TMEM143: variants seen among roughly 807,000 people sequenced by gnomAD.
The protein encoded by TMEM143 is transmembrane protein 143.
In TMEM143, 45 loss-of-function variants were observed where a neutral mutation model predicts 40.3. That is an observed-to-expected ratio of 1.12 (90% CI 0.88 to 1.43). TMEM143 has a LOEUF of 1.43. TMEM143 is among the 40% of genes most tolerant of loss of function. The pLI, the probability that TMEM143 is intolerant of heterozygous loss-of-function variation, is 0.00. For synonymous variants in TMEM143, 299 were observed against 282.7 expected (o/e 1.06, Z -0.58); for missense variants, 620 against 613.4 (o/e 1.01, Z -0.11).
intron 6 of TMEM143, among the ~76,000 whole-genome samples, chr19:48,340,825 G>A (rs1379258463): frequency 6.6e-6 from 1 of 152,078 alleles, no homozygotes; most frequent in Admixed American, 6.6e-5. Flanking sequence ...ACCACCCTCT[G>A]GGACTTCCCC....
At position 48,362,761 on chromosome 19, in the gene TMEM143, C is replaced by A. The variant is rs925022773; in HGVS notation, c.264+530G>T. 5.3e-5 allele frequency among the ~76,000 whole-genome samples: 8 copies of A among 152,236 alleles called. No homozygotes were observed. In the East Asian group the frequency reaches 1.4e-3, roughly 26 times the overall value. Reference sequence around the variant, plus strand: ...GCTCTGGAGTCAGACCACTTTGGTTCAAATCTAAGCCACTATGTTGTGGCC... The same window carrying A: ...GCTCTGGAGTCAGACCACTTTGGTTAAAATCTAAGCCACTATGTTGTGGCC... On this transcript the variant is annotated intron_variant, in intron 2 of 7. Transcript: ENST00000293261.
At chr19:48,340,121 A>ATTTTTTTTTTTTTTTTTTTTTTTTTT (rs11369636) in intron 6 of TMEM143, among the ~76,000 whole-genome samples, 2 of 98,572 alleles carry the variant, frequency 2.0e-5, no homozygotes, top group African/African-American at 4.2e-5. Flanking sequence ...GTCAACTGGG[A>ATTTTTTTTTTTTTTTTTTTTTTTTTT]TTTTTTTTTT....
intron 6 of TMEM143, among the ~76,000 whole-genome samples, chr19:48,338,541 G>A (rs1969421745): frequency 6.6e-6 from 1 of 152,230 alleles, no homozygotes; most frequent in Non-Finnish European, 1.5e-5. Context: ...CCCCTGGTGT[G>A]TTCTTGGAAA....
At chr19:48,336,733 C>T (rs1226596321) in intron 6 of TMEM143, among the ~76,000 whole-genome samples, 6 of 151,102 alleles carry the variant, frequency 4.0e-5, no homozygotes, top group Non-Finnish European at 7.4e-5. Flanking sequence ...CAGTAGCTCA[C>T]GCCTGTAATC....
Position 48,334,203 on chromosome 19 carries a change from G to A in TMEM143, c.976-6C>T, listed in dbSNP as rs781199395. 2.4e-5 allele frequency: 38 copies of A among 1,592,254 alleles called. No homozygotes were observed. The South Asian group carries it at 4.0e-4, about 17-fold the overall frequency. ...CTGCGCCGCTGCCCGAACATCTGCAGGCGGGACAGCGCCCCGTGGGCTCAG... is the reference window on the plus strand; with the variant it reads ...CTGCGCCGCTGCCCGAACATCTGCAAGCGGGACAGCGCCCCGTGGGCTCAG... On this transcript the variant is annotated splice_region_variant and splice_polypyrimidine_tract_variant and intron_variant, in intron 6 of 7. Coordinates refer to ENST00000293261, the MANE Select transcript of TMEM143 (RefSeq NM_018273.4).
At chr19:48,336,545 A>T (rs1471484914) in intron 6 of TMEM143, among the ~76,000 whole-genome samples, 2 of 151,876 alleles carry the variant, frequency 1.3e-5, no homozygotes, top group African/African-American at 2.4e-5. Flanking sequence ...ATAAATAAAA[A>T]TACAAAAATT....
chr19:48,349,416 G>A (rs1338137700), intron 3 of TMEM143, among the ~76,000 whole-genome samples: 2 of 152,208 alleles, frequency 1.3e-5, no homozygotes, highest in Non-Finnish European at 2.9e-5. Flanking sequence ...AACAAGGCAG[G>A]AAGGACTGCT....
At chr19:48,347,397 T>A (rs1969658116) in intron 3 of TMEM143, among the ~76,000 whole-genome samples, 1 of 152,008 alleles carries the variant, frequency 6.6e-6, no homozygotes, top group South Asian at 2.1e-4. Context: ...CAGAAACAAC[T>A]GAGCAAGGAG....
At chr19:48,342,969 C>T (rs1969537895) in intron 5 of TMEM143, 160 bp from the exon 6 acceptor site, 1 of 903,940 alleles carries the variant, frequency 1.1e-6, no homozygotes, top group Admixed American at 2.9e-5. Context: ...TGTGTCCAAC[C>T]ACAGGGGATC....
intron 3 of TMEM143, among the ~76,000 whole-genome samples, chr19:48,351,768 C>T (rs567435027): frequency 1.3e-5 from 2 of 152,284 alleles, no homozygotes; most frequent in East Asian, 3.9e-4. Flanking sequence ...ATGTTCTCTG[C>T]TCAGTGAGGC....
rs766871140 is a variant in TMEM143 at position 48,333,150 on chromosome 19, G to A, written c.*69C>T. 8 of 1,222,398 alleles carry A rather than the reference G, an allele frequency of 6.5e-6. No homozygotes were observed. Among genetic ancestry groups the A allele is most frequent in the Non-Finnish European group, 8.8e-6 (8 of 910,864 alleles). The allele number at this position is 1,222,398 out of a possible 1,614,324, so 75.7% of individuals were successfully genotyped here. On this transcript the variant is annotated 3_prime_UTR_variant, in exon 8 of 8. Transcript: ENST00000293261. The surrounding 1 kb of genome is among the most constrained non-coding windows in gnomAD (Gnocchi z 4.1). ...AGTGAAAAGTATAATAACCGTAATT[G>A]ACAGCCTGTCGTGAAGGAGGCGGGG...
Position 48,343,395 on chromosome 19 carries a change from T to A in TMEM143, c.621A>T (p.Arg207=), listed in dbSNP as rs933140471. The A allele has an allele frequency of 8.1e-6, 13 of 1,601,614 alleles. No individual in the cohort carries two copies. Among genetic ancestry groups the A allele is most frequent in the Non-Finnish European group, 1.0e-5 (12 of 1,174,044 alleles). The change falls in exon 5 of 8, where the codon CGA becomes CGT. Residue 207 remains arginine, a synonymous_variant. Coordinates refer to ENST00000293261, the MANE Select transcript of TMEM143 (RefSeq NM_018273.4). Reference sequence around the variant, plus strand: ...TGGACTTCAGGGGCATCTGCCCGACTCGCTGGCCCAGGGCCCAGAAGTGAA... The same window carrying A: ...TGGACTTCAGGGGCATCTGCCCGACACGCTGGCCCAGGGCCCAGAAGTGAA... The part of the protein sequence containing the change: ...VYIHFWALGQ[R]VGQMPLKSSV...
intron 6 of TMEM143, among the ~76,000 whole-genome samples, chr19:48,334,600 T>C (rs11883142): frequency 0.36 from 48,688 of 135,690 alleles, 9,959 homozygotes; most frequent in Non-Finnish European, 0.42. Flanking sequence ...TTTTTTTTTT[T>C]CGACAGGGTC....
Position 48,345,456 on chromosome 19 carries a change from T to TTATTTATG in TMEM143, c.370-103_370-102insCATAAATA, listed in dbSNP as rs1418807326. 3 of 668,708 alleles carry TTATTTATG rather than the reference T, an allele frequency of 4.5e-6. 1 individual carries two copies. The Admixed American group carries it at 1.4e-4, about 30-fold the overall frequency. The allele number at this position is 668,708 out of a possible 1,614,324, so 41.4% of individuals were successfully genotyped here. On this transcript the variant is annotated intron_variant, in intron 3 of 7. Coordinates refer to ENST00000293261, the MANE Select transcript of TMEM143 (RefSeq NM_018273.4). ...TCTCCAGATACTTTCATTTATTTATTTATTTATTTATTTATTTTATTGAGA... is the reference window on the plus strand; with the variant it reads ...TCTCCAGATACTTTCATTTATTTATTTATTTATGTATTTATTTATTTATTTTATTGAGA...
intron 3 of TMEM143, among the ~76,000 whole-genome samples, chr19:48,346,541 C>T (rs989899216): frequency 1.3e-5 from 2 of 152,076 alleles, no homozygotes; most frequent in Admixed American, 6.6e-5. Context: ...TTATGTAGGG[C>T]TTCTGTTCCC....
At position 48,358,321 on chromosome 19, in the gene TMEM143, T is replaced by C. The variant is rs192274838; in HGVS notation, c.369+1751A>G. Among the ~76,000 whole-genome samples, 62 of 151,734 alleles carry C rather than the reference T, an allele frequency of 4.1e-4. 1 individual carries two copies. Among genetic ancestry groups the C allele is most frequent in the African/African-American group, 1.2e-3 (51 of 41,332 alleles). ...ATCACTTCAACCCGGAAGACAGAGG[T>C]TGCAGTGAGCCAAGATCGCACCATT... On this transcript the variant is annotated intron_variant, in intron 3 of 7. Coordinates refer to ENST00000293261, the MANE Select transcript of TMEM143 (RefSeq NM_018273.4).
Position 48,345,194 on chromosome 19 carries a change from G to A in TMEM143, c.530C>T (p.Ala177Val), listed in dbSNP as rs534251767. 65 of 1,613,636 alleles carry A rather than the reference G, an allele frequency of 4.0e-5. No individual in the cohort carries two copies. The Middle Eastern group carries it at 5.0e-4, about 12-fold the overall frequency. ...ATCCTGAGGGTGGTGGACCACCAGCGCGTAGGCCAGGGTGTCCTCAGACAG... is the reference window on the plus strand; with the variant it reads ...ATCCTGAGGGTGGTGGACCACCAGCACGTAGGCCAGGGTGTCCTCAGACAG... The part of the protein sequence containing the change: ...SPLSEDTLAY[A>V]LVVHHPQDEV... Residue 177 changes from alanine to valine, a missense_variant, in exon 4 of 8, where the codon GCG (alanine) becomes GTG (valine). Transcript: ENST00000293261.
Position 48,333,467 on chromosome 19 carries a change from A to C in TMEM143, c.1166-34T>G. 2.1e-6 allele frequency: 3 copies of C among 1,441,052 alleles called. No individual in the cohort carries two copies. The highest frequency in any genetic ancestry group is 2.9e-6 in the Non-Finnish European group (3 of 1,047,624). The allele number at this position is 1,441,052 out of a possible 1,614,324, so 89.3% of individuals were successfully genotyped here. ...GGAGAGGCAGGTGTTCTGAGGTCAC[A>C]CTGAGATCGGGGAAGATTCGAGGGA... On this transcript the variant is annotated intron_variant, in intron 7 of 7. Transcript: ENST00000293261. This position sits in a 1 kb window ranked among gnomAD's most constrained non-coding sequence, Gnocchi z 4.1.
rs750158391 is a variant in TMEM143, at chr19:48,363,851, G to A, written c.23+47C>T. On this transcript the variant is annotated intron_variant, in intron 1 of 7. Transcript: ENST00000293261. Reference sequence around the variant, plus strand: ...TGCTCGTAAAGGTTACCTAGGGGGTGCAGGGCCGCCCTCCCTGGCCATGCA... The same window carrying A: ...TGCTCGTAAAGGTTACCTAGGGGGTACAGGGCCGCCCTCCCTGGCCATGCA... The A allele has an allele frequency of 8.1e-6, 13 of 1,613,386 alleles. No individual in the cohort carries two copies. The Admixed American group carries it at 1.0e-4, about 12-fold the overall frequency.
Sources: gnomAD v4.1 joint callset for allele counts (sites outside exome capture counted in the v4.1 genomes callset) on GRCh38, gnomAD v4.1.1 for gene constraint, Gnocchi (gnomAD v3.1) non-coding constraint, MANE v1.5 for transcripts, NCBI Gene and HGNC (gene_info 2026-07-23, HGNC 2026-07-21) for gene names.